JAZF1: variants seen among roughly 807,000 people sequenced by gnomAD.
JAZF1 encodes juxtaposed with another zinc finger protein 1.
In JAZF1, 8 loss-of-function variants were observed where a neutral mutation model predicts 26.4. The ratio of observed to expected loss-of-function variants is 0.30; its 90% CI spans 0.18 to 0.55. The LOEUF is 0.55. Ranked by LOEUF, JAZF1 falls within the 20% of genes least tolerant of loss-of-function variation. The pLI, the probability that JAZF1 is intolerant of heterozygous loss-of-function variation, is 0.94. For synonymous variants in JAZF1, 126 were observed against 122.3 expected (o/e 1.03, Z -0.20); for missense variants, 199 against 322.0 (o/e 0.62, Z 2.92).
intron 1 of JAZF1, among the ~76,000 whole-genome samples, chr7:28,135,787 T>C (rs1024413661): frequency 1.3e-4 from 20 of 152,174 alleles, no homozygotes; most frequent in Admixed American, 1.3e-3. Flanking sequence ...AAAATACTTA[T>C]AAACAAGCTG....
chr7:27,861,120 A>T (rs1783371115), intron 3 of JAZF1, among the ~76,000 whole-genome samples: 1 of 152,118 alleles, frequency 6.6e-6, no homozygotes, highest in South Asian at 2.1e-4. Context: ...GGACGTCTTC[A>T]TTCTACTCTC....
In JAZF1 at chr7:28,157,767, T is replaced by C. The variant is rs139274873; in HGVS notation, c.115+22696A>G. ...TTTCAGGGTCCCTGTTAATGAAGCTTAGCATGTAATGCTAACTCATGCACC... is the reference window on the plus strand; with the variant it reads ...TTTCAGGGTCCCTGTTAATGAAGCTCAGCATGTAATGCTAACTCATGCACC... On this transcript the variant is annotated intron_variant, in intron 1 of 4. Coordinates refer to ENST00000283928, the MANE Select transcript of JAZF1 (RefSeq NM_175061.4). 1.7e-3 allele frequency among the ~76,000 whole-genome samples: 253 copies of C among 152,298 alleles called. 1 individual carries two copies. Among genetic ancestry groups the C allele is most frequent in the African/African-American group, 5.7e-3 (236 of 41,568 alleles).
rs1413305227 is a variant in JAZF1, at chr7:27,936,221, A to C, written c.189-40805T>G. Among the ~76,000 whole-genome samples, 3 of 152,242 alleles carry C rather than the reference A, an allele frequency of 2.0e-5. No homozygotes were observed. In the East Asian group the frequency reaches 5.8e-4, roughly 29 times the overall value. ...AAGAGAGATGACACAAAGAATGAGA[A>C]GTCAGGCTGAGCCTGGAAGAAAAAC... On this transcript the variant is annotated intron_variant, in intron 2 of 4. Transcript: ENST00000283928.
At chr7:28,028,343 A>C (rs1030530937) in intron 1 of JAZF1, among the ~76,000 whole-genome samples, 7 of 152,230 alleles carry the variant, frequency 4.6e-5, no homozygotes, top group African/African-American at 1.2e-4. Context: ...GCTCACTTGA[A>C]TATTACCTGC....
At chr7:28,178,205 C>G (rs1021626433) in intron 1 of JAZF1, among the ~76,000 whole-genome samples, 3 of 152,124 alleles carry the variant, frequency 2.0e-5, no homozygotes, top group African/African-American at 7.2e-5. Flanking sequence ...ACGTATCAAA[C>G]TCTTAACCTT....
intron 2 of JAZF1, among the ~76,000 whole-genome samples, chr7:27,952,889 T>C (rs78178440): frequency 0.031 from 4,753 of 152,280 alleles, 227 homozygotes; most frequent in African/African-American, 0.1. Flanking sequence ...AATAAACAAA[T>C]CTTACCTATT....
At chr7:28,049,196 C>A (rs1783550785) in intron 1 of JAZF1, among the ~76,000 whole-genome samples, 2 of 151,536 alleles carry the variant, frequency 1.3e-5, no homozygotes, top group African/African-American at 4.9e-5. Context: ...GATTCTCCTG[C>A]CTCAGTCTCC....
chr7:28,136,454 T>A (rs937293098), intron 1 of JAZF1, among the ~76,000 whole-genome samples: 3 of 152,238 alleles, frequency 2.0e-5, no homozygotes, highest in African/African-American at 7.2e-5. Context: ...GGATCTGGGC[T>A]GCACCACTCC....
At chr7:27,903,769 G>A (rs867859244) in intron 2 of JAZF1, among the ~76,000 whole-genome samples, 4 of 152,232 alleles carry the variant, frequency 2.6e-5, no homozygotes, top group Middle Eastern at 6.8e-3. Flanking sequence ...TCCAGCTAAG[G>A]GCTGTTCTCT....
chr7:28,117,675 T>TA lies in JAZF1; in HGVS notation c.115+62787dup, dbSNP rs1392716760. Among the ~76,000 whole-genome samples, 17 of 152,380 alleles carry TA rather than the reference T, an allele frequency of 1.1e-4. No homozygotes were observed. The South Asian group carries it at 3.3e-3, about 30-fold the overall frequency. ...GTGTAGACAGCAACCTAGATTTTTA[T>TA]AAACTCATGGTTCTAATCCTCTAGT... On this transcript the variant is annotated intron_variant, in intron 1 of 4. Transcript: ENST00000283928.
Position 27,976,184 on chromosome 7 carries a change from A to G in JAZF1, c.188+15725T>C, listed in dbSNP as rs1231786785. Among the ~76,000 whole-genome samples the G allele has an allele frequency of 2.6e-5, 4 of 152,018 alleles. No homozygotes were observed. In the East Asian group the frequency reaches 7.7e-4, roughly 29 times the overall value. The stretch of plus-strand genomic sequence containing the variant: ...ATGGTGAAACCCCGTCTCTACTAAA[A>G]ATACAAAAAAAATTAGCCGGGCATG... On this transcript the variant is annotated intron_variant, in intron 2 of 4. Coordinates refer to ENST00000283928, the MANE Select transcript of JAZF1 (RefSeq NM_175061.4).
chr7:28,076,977 C>A (rs1784061661), intron 1 of JAZF1, among the ~76,000 whole-genome samples: 2 of 152,020 alleles, frequency 1.3e-5, no homozygotes, highest in South Asian at 2.1e-4. Context: ...AGACGACAAC[C>A]AATTTTAAAG....
rs1020505003 is a variant in JAZF1, at chr7:28,072,864, T to G, written c.116-80883A>C. Among the ~76,000 whole-genome samples the G allele has an allele frequency of 6.6e-5, 10 of 152,320 alleles. No homozygotes were observed. The South Asian group carries it at 1.9e-3, about 28-fold the overall frequency. Reference sequence around the variant, plus strand: ...TATAAACTTGCATACACCTTTCAGATTTTCCTCTGGATACATATTTTTTAA... The same window carrying G: ...TATAAACTTGCATACACCTTTCAGAGTTTCCTCTGGATACATATTTTTTAA... On this transcript the variant is annotated intron_variant, in intron 1 of 4. Transcript: ENST00000283928.
At chr7:28,131,184 C>T (rs529103887) in intron 1 of JAZF1, among the ~76,000 whole-genome samples, 14 of 152,222 alleles carry the variant, frequency 9.2e-5, no homozygotes, top group African/African-American at 3.1e-4. Flanking sequence ...CCAAATTATC[C>T]TTGACAAAAG....
chr7:28,113,625 T>C (rs184747537), intron 1 of JAZF1, among the ~76,000 whole-genome samples: 44 of 152,194 alleles, frequency 2.9e-4, no homozygotes, highest in Admixed American at 1.3e-4. Flanking sequence ...CCTCTTGTAA[T>C]GCCTATAACT....
In JAZF1 at chr7:27,898,484, T is replaced by C. The variant is rs1043024994; in HGVS notation, c.189-3068A>G. On this transcript the variant is annotated intron_variant, in intron 2 of 4. Transcript: ENST00000283928. ...CATGCCCAGCTAATTTTTGTATTTT[T>C]AGTAGAGACAAGGTTTCACCACATT... 7.9e-5 allele frequency among the ~76,000 whole-genome samples: 12 copies of C among 152,058 alleles called. No individual in the cohort carries two copies. In the East Asian group the frequency reaches 2.1e-3, roughly 27 times the overall value.
At chr7:28,097,621 G>C (rs953714286) in intron 1 of JAZF1, among the ~76,000 whole-genome samples, 2 of 152,206 alleles carry the variant, frequency 1.3e-5, no homozygotes, top group Non-Finnish European at 2.9e-5. Flanking sequence ...TGAAGGAGCT[G>C]GATATATAAA....
chr7:27,903,228 A>AT (rs952020712), intron 2 of JAZF1, among the ~76,000 whole-genome samples: 5 of 151,872 alleles, frequency 3.3e-5, no homozygotes, highest in African/African-American at 4.8e-5. Flanking sequence ...ATTTTTATTT[A>AT]TTTTTTGGCT....
chr7:28,035,374 T>TA (rs1169361482), intron 1 of JAZF1, among the ~76,000 whole-genome samples: 2 of 148,044 alleles, frequency 1.4e-5, no homozygotes, highest in Non-Finnish European at 1.5e-5. Context: ...ATTTATCTGT[T>TA]ATAGTGTTGA....
Sources: allele counts gnomAD v4.1 joint callset (sites outside exome capture counted in the v4.1 genomes callset), GRCh38; gene constraint gnomAD v4.1.1; transcripts MANE v1.5; gene names NCBI Gene and HGNC (gene_info 2026-07-23, HGNC 2026-07-21).